Variants in VWDE observed in about 807,000 individuals in gnomAD.
The protein encoded by VWDE is von Willebrand factor D and EGF domain-containing protein.
Under a neutral mutation model 178.4 loss-of-function variants are expected in VWDE, and 207 were observed. The ratio of observed to expected loss-of-function variants is 1.16; its 90% CI spans 1.04 to 1.30. The LOEUF is 1.30. Among genes scored for constraint, VWDE ranks in the 50% most tolerant of loss-of-function variants. The pLI is 0.00. For missense variants in VWDE, 2,287 were observed against 1,901.3 expected, an observed-to-expected ratio of 1.20 and a Z score of -3.77; for synonymous variants, 738 against 651.4, an observed-to-expected ratio of 1.13 and a Z score of -2.02.
In VWDE at chr7:12,344,410, A is replaced by G. The variant is rs964652057; in HGVS notation, c.3946T>C (p.Cys1316Arg). 5 of 1,551,026 alleles carry G rather than the reference A, an allele frequency of 3.2e-6. No individual in the cohort carries two copies. In the African/African-American group the frequency reaches 5.5e-5, roughly 17 times the overall value. The change falls in exon 20 of 29, where the codon TGT becomes CGT. Residue 1316 changes from cysteine (C) to arginine (R), a missense_variant. Transcript: ENST00000275358. ...RECVAPNICK[C>R]KPGYIGSNCQ... ...TTAGAACCAATGTAACCAGGTTTAC[A>G]TTTGCAGATGTTTGGGGCAACACAC...
chr7:12,369,877 C>G lies in VWDE; in HGVS notation c.2429G>C (p.Cys810Ser). Reference protein sequence around the residue: ...GLTEYSTLTLCQETLANSSIG... With the variant: ...GLTEYSTLTLSQETLANSSIG... ...GCTGGAGTTGGCTAGAGTCTCCTGA[C>G]AGAGGGTCAAGGTGCTATACTCGGT... Residue 810 changes from cysteine to serine, a missense_variant, in exon 12 of 29, where the codon TGT becomes TCT. Cys to Ser is a moderately radical substitution (Grantham distance 112). Transcript: ENST00000275358. The G allele has an allele frequency of 6.4e-7, 1 of 1,551,474 alleles. No homozygotes were observed. Among genetic ancestry groups the G allele is most frequent in the Non-Finnish European group, 8.7e-7 (1 of 1,146,886 alleles).
At chr7:12,361,314 T>C in intron 14 of VWDE, 52 bp downstream of exon 14, 1 of 1,537,334 alleles carries the variant, frequency 6.5e-7, no homozygotes, top group Non-Finnish European at 8.8e-7. Context: ...CATTATGAAA[T>C]GTTAAGTATT....
intron 1 of VWDE, among the ~76,000 whole-genome samples, chr7:12,394,745 T>C (rs988779042): frequency 3.3e-5 from 5 of 152,118 alleles, no homozygotes; most frequent in African/African-American, 9.7e-5. Context: ...GAAAACACTG[T>C]AATAAAGATG....
chr7:12,357,941 C>T (rs988322431), intron 16 of VWDE, among the ~76,000 whole-genome samples: 4 of 152,112 alleles, frequency 2.6e-5, no homozygotes, highest in East Asian at 1.9e-4. Context: ...CCTCACTGCC[C>T]ATGACTGCTC....
At chr7:12,367,565 G>T in intron 12 of VWDE, 72 bp from the exon 13 acceptor site, 1 of 1,258,000 alleles carries the variant, frequency 7.9e-7, no homozygotes. Flanking sequence ...TTATTTCCAA[G>T]CCCCAAATTA....
intron 5 of VWDE, among the ~76,000 whole-genome samples, chr7:12,380,097 C>T (rs562244512): frequency 1.4e-5 from 2 of 147,408 alleles, no homozygotes; most frequent in East Asian, 2.0e-4. Flanking sequence ...AGTGAGACTC[C>T]GCCTCAAAAA....
chr7:12,357,973 C>T (rs1214770527), intron 16 of VWDE, among the ~76,000 whole-genome samples: 1 of 152,110 alleles, frequency 6.6e-6, no homozygotes, highest in Non-Finnish European at 1.5e-5. Context: ...CTCCTTTGAA[C>T]GTTTCTCGCT....
chr7:12,365,842 T>C (rs965008774), intron 13 of VWDE, among the ~76,000 whole-genome samples: 6 of 152,066 alleles, frequency 3.9e-5, no homozygotes, highest in African/African-American at 1.4e-4. Context: ...CTAATTTTAG[T>C]TTGGGCAAGT....
chr7:12,375,516 G>A (rs1277428882), intron 7 of VWDE, among the ~76,000 whole-genome samples: 1 of 151,734 alleles, frequency 6.6e-6, no homozygotes, highest in Non-Finnish European at 1.5e-5. Flanking sequence ...AATTCAAAAA[G>A]AATAGATAAA....
chr7:12,373,273 T>C (rs1203947979), intron 9 of VWDE, 26 bp from the exon 10 acceptor site: 1 of 1,544,324 alleles, frequency 6.5e-7, no homozygotes. Flanking sequence ...GGCAATTGCA[T>C]TAAAAAATCG....
At chr7:12,348,619 T>C (rs36158001) in intron 19 of VWDE, among the ~76,000 whole-genome samples, 92,576 of 141,186 alleles carry the variant, frequency 0.66, 32,200 homozygotes, top group African/African-American at 0.9. Flanking sequence ...CACTTTTATA[T>C]TGTTGGTGGG....
rs373716500 is a variant in VWDE at position 12,333,744 on chromosome 7, G to A, written c.4655-176C>T. 1.9e-3 allele frequency: 815 copies of A among 421,632 alleles called. 1 individual carries two copies. Among genetic ancestry groups the A allele is most frequent in the Middle Eastern group, 3.3e-3 (10 of 3,068 alleles). 26.1% of individuals were successfully genotyped at this position (421,632 alleles called of 1,614,324 possible). A position where few individuals can be genotyped will look rare whatever the true frequency, so the allele number is the denominator to read the frequency against. On this transcript the variant is annotated intron_variant, in intron 27 of 28. Transcript: ENST00000275358. Reference sequence around the variant, plus strand: ...TGTACTCTTGTCTTTCAGAGCACACGCACACATCAAAAACAAAGCACCCAA... The same window carrying A: ...TGTACTCTTGTCTTTCAGAGCACACACACACATCAAAAACAAAGCACCCAA...
chr7:12,344,659 A>C (rs941967666), intron 19 of VWDE, among the ~76,000 whole-genome samples, 190 bp from the exon 20 acceptor site: 1 of 152,190 alleles, frequency 6.6e-6, no homozygotes, highest in African/African-American at 2.4e-5. Flanking sequence ...AAACAAGCCA[A>C]AACACAAACA....
chr7:12,373,524 A>T (rs1783336364), intron 9 of VWDE, among the ~76,000 whole-genome samples: 2 of 152,032 alleles, frequency 1.3e-5, no homozygotes. Flanking sequence ...GTACTTGTTA[A>T]ATGTCACCCT....
At chr7:12,395,746 C>A (rs983301453) in intron 1 of VWDE, among the ~76,000 whole-genome samples, 13 of 151,990 alleles carry the variant, frequency 8.6e-5, no homozygotes, top group African/African-American at 2.9e-4. Flanking sequence ...GTTTAGAAAT[C>A]TTATTAGCAA....
intron 7 of VWDE, among the ~76,000 whole-genome samples, chr7:12,376,907 C>G (rs569804694): frequency 7.2e-5 from 11 of 151,990 alleles, no homozygotes; most frequent in African/African-American, 2.2e-4. Flanking sequence ...CTCTCTCTCT[C>G]CTGGCTTTTT....
chr7:12,395,507 T>C (rs959109781), intron 1 of VWDE, among the ~76,000 whole-genome samples: 6 of 152,148 alleles, frequency 3.9e-5, no homozygotes, highest in African/African-American at 1.2e-4. Flanking sequence ...TTGATAATTG[T>C]TTCCTAATAC....
intron 1 of VWDE, among the ~76,000 whole-genome samples, chr7:12,400,003 T>C (rs930101204): frequency 6.6e-5 from 10 of 151,976 alleles, no homozygotes; most frequent in African/African-American, 2.4e-4. Context: ...AAAAGAAAAT[T>C]AGAAAATACT....
At chr7:12,344,145 A>T in intron 21 of VWDE, 50 bp downstream of exon 21, 1 of 1,475,710 alleles carries the variant, frequency 6.8e-7, no homozygotes, top group Non-Finnish European at 9.2e-7. Flanking sequence ...TTTAAAGAAA[A>T]TTATGCTATA....
Sources: allele counts gnomAD v4.1 joint callset (sites outside exome capture counted in the v4.1 genomes callset), GRCh38; gene constraint gnomAD v4.1.1; transcripts MANE v1.5; gene names NCBI Gene and HGNC (gene_info 2026-07-23, HGNC 2026-07-21).